PRPSAP1: variants seen among roughly 807,000 people sequenced by gnomAD.
PRPSAP1 encodes the protein phosphoribosyl pyrophosphate synthetase associated protein 1.
In PRPSAP1, 31 loss-of-function variants were observed where a neutral mutation model predicts 39.4. That is an observed-to-expected ratio of 0.79 (90% CI 0.59 to 1.06). PRPSAP1 has a LOEUF of 1.06. Among genes scored for constraint, PRPSAP1 ranks in the 50% least tolerant of loss-of-function variants. The pLI is 0.00. For synonymous variants in PRPSAP1, 212 were observed against 192.6 expected (o/e 1.10, Z -0.83); for missense variants, 430 against 511.6 (o/e 0.84, Z 1.54).
intron 7 of PRPSAP1, among the ~76,000 whole-genome samples, chr17:76,326,907 C>T (rs1225878832): frequency 6.6e-6 from 1 of 151,850 alleles, no homozygotes; most frequent in African/African-American, 2.4e-5. Context: ...GACATTACGT[C>T]TGCAACTCAC....
chr17:76,328,687 A>T, intron 7 of PRPSAP1, 30 bp downstream of exon 7: 3 of 1,595,868 alleles, frequency 1.9e-6, no homozygotes, highest in Non-Finnish European at 2.6e-6. Flanking sequence ...TCAATTTACA[A>T]ATAAAATAAA....
rs1453793265 is a variant in PRPSAP1 at position 76,317,022 on chromosome 17, A to G, written c.782-3131T>C. Among the ~76,000 whole-genome samples the G allele has an allele frequency of 7.2e-5, 11 of 152,366 alleles. No individual in the cohort carries two copies. The East Asian group carries it at 2.1e-3, about 29-fold the overall frequency. ...TCCTTACCCATTTTGACCTTTGTCTATTTCTAGTTCAATGAAATGTCAAAC... is the reference window on the plus strand; with the variant it reads ...TCCTTACCCATTTTGACCTTTGTCTGTTTCTAGTTCAATGAAATGTCAAAC... On this transcript the variant is annotated intron_variant, in intron 7 of 9. Transcript: ENST00000446526.
rs368840055 is a variant in PRPSAP1, at chr17:76,345,564, C to G, written c.224-827G>C. Among the ~76,000 whole-genome samples, 10 of 146,922 alleles carry G rather than the reference C, an allele frequency of 6.8e-5. No homozygotes were observed. In the East Asian group the frequency reaches 2.0e-3, roughly 30 times the overall value. On this transcript the variant is annotated intron_variant, in intron 2 of 9. Coordinates refer to ENST00000446526, the MANE Select transcript of PRPSAP1 (RefSeq NM_002766.3). ...GTCATGGCTGCAGTGTGAGCTGAAA[C>G]TGTGCCACTGCACTTCAGCCTGGAC... is the stretch of plus-strand genomic sequence containing the variant.
chr17:76,320,737 G>C (rs1438740827), intron 7 of PRPSAP1, among the ~76,000 whole-genome samples: 1 of 150,838 alleles, frequency 6.6e-6, no homozygotes, highest in Non-Finnish European at 1.5e-5. Context: ...ACAGATTGAA[G>C]TTTGTGGCAA....
At chr17:76,341,933 C>A (rs571762358) in intron 3 of PRPSAP1, among the ~76,000 whole-genome samples, 1 of 151,972 alleles carries the variant, frequency 6.6e-6, no homozygotes, top group Non-Finnish European at 1.5e-5. Flanking sequence ...AGTGAGACTC[C>A]GTCTAAAAAT....
rs375906385 is a variant in PRPSAP1, at chr17:76,328,836, C to T, written c.662G>A (p.Arg221His). The part of the protein sequence containing the change: ...KRAQSYAERL[R>H]LGLAVIHGEA... ...CCCGTGAATGACGGCCAAACCCAGA[C>T]GCAGTCTCTCCGCATAGGACTGGGC... The change falls in exon 7 of 10, where the codon CGT (arginine) becomes CAT (histidine). Residue 221 changes from arginine (R) to histidine (H), a missense_variant. Transcript: ENST00000446526. 8 of 1,614,032 alleles carry T rather than the reference C, an allele frequency of 5.0e-6. No homozygotes were observed. Among genetic ancestry groups the T allele is most frequent in the African/African-American group, 4.0e-5 (3 of 75,014 alleles).
intron 3 of PRPSAP1, among the ~76,000 whole-genome samples, chr17:76,341,394 C>T (rs148539427): frequency 7.9e-5 from 12 of 152,038 alleles, no homozygotes; most frequent in East Asian, 5.8e-4. Flanking sequence ...CACACCACCA[C>T]GCCTGGCTAA....
chr17:76,353,536 T>C lies in PRPSAP1; in HGVS notation c.168A>G (p.Thr56=), dbSNP rs754713021. 3 of 1,524,278 alleles carry C rather than the reference T, an allele frequency of 2.0e-6. No homozygotes were observed. The highest frequency in any genetic ancestry group is 2.6e-6 in the Non-Finnish European group (3 of 1,140,290). 94.4% of individuals were successfully genotyped at this position (1,524,278 alleles called of 1,614,324 possible). The stretch of plus-strand genomic sequence containing the variant: ...CGGCCCTCCCACCGCCCCCTTACTC[T>C]GTGATGCGCTTGGCCAGCTCCGTGC... ...AACTELAKRI[T]ERLGAELGKS... is the part of the protein sequence containing the mutation. Residue 56 remains threonine, a splice_region_variant and synonymous_variant, in exon 1 of 10, where the codon ACA becomes ACG. Transcript: ENST00000446526.
chr17:76,339,324 G>C (rs2071411195), intron 3 of PRPSAP1, among the ~76,000 whole-genome samples: 1 of 151,294 alleles, frequency 6.6e-6, no homozygotes, highest in Non-Finnish European at 1.5e-5. Flanking sequence ...AGAATTGCTT[G>C]AACCTGGGAG....
At position 76,311,729 on chromosome 17, in the gene PRPSAP1, CT is replaced by C. The variant is rs1567795623; in HGVS notation, c.1000-30del. 6.9e-6 allele frequency: 11 copies of C among 1,601,812 alleles called. No individual in the cohort carries two copies. In the Admixed American group the frequency reaches 1.7e-4, roughly 25 times the overall value. On this transcript the variant is annotated intron_variant, in intron 9 of 9. Coordinates refer to ENST00000446526, the MANE Select transcript of PRPSAP1 (RefSeq NM_002766.3). ...GTCACACAGTGATGGAAAACAAACG[CT>C]GTTACTGAAGTCTGTTCTCCAAGCT...
intron 8 of PRPSAP1, 88 bp downstream of exon 8, chr17:76,313,733 G>T: frequency 2.1e-6 from 3 of 1,413,004 alleles, no homozygotes; most frequent in Non-Finnish European, 3.0e-6. Context: ...TCGGATCATC[G>T]TTCCTAGAAA....
intron 7 of PRPSAP1, among the ~76,000 whole-genome samples, chr17:76,316,021 T>C (rs141748925): frequency 0.12 from 18,306 of 150,426 alleles, 2,537 homozygotes; most frequent in African/African-American, 0.35. Context: ...CTACTAAAAA[T>C]ATAAAAATTA....
intron 7 of PRPSAP1, among the ~76,000 whole-genome samples, chr17:76,320,316 G>A (rs2071177860): frequency 8.8e-6 from 1 of 113,564 alleles, no homozygotes; most frequent in Admixed American, 8.3e-5. Context: ...AGGAAGGGAG[G>A]AAGGGAAGAA....
intron 3 of PRPSAP1, among the ~76,000 whole-genome samples, chr17:76,336,130 A>C (rs180808764): frequency 5.9e-5 from 9 of 152,372 alleles, no homozygotes. Context: ...TCTTGATTTC[A>C]GGGTAACATT....
rs187378241 is a variant in PRPSAP1, at chr17:76,345,189, C to T, written c.224-452G>A. Among the ~76,000 whole-genome samples, 256 of 136,884 alleles carry T rather than the reference C, an allele frequency of 1.9e-3. 1 individual carries two copies. The highest frequency in any genetic ancestry group is 6.6e-3 in the African/African-American group (247 of 37,370). The allele number at this position is 136,884 out of a possible 152,430, so 89.8% of individuals were successfully genotyped here. On this transcript the variant is annotated intron_variant, in intron 2 of 9. Transcript: ENST00000446526. ...GGCAGAGCTTGCAGTGAGCCGAGATCGCGCCACTGCACTCCAGCCTGGGTG... is the reference window on the plus strand; with the variant it reads ...GGCAGAGCTTGCAGTGAGCCGAGATTGCGCCACTGCACTCCAGCCTGGGTG...
intron 1 of PRPSAP1, among the ~76,000 whole-genome samples, chr17:76,352,503 G>A (rs2071586321): frequency 1.3e-5 from 2 of 152,092 alleles, no homozygotes; most frequent in African/African-American, 4.8e-5. Context: ...AAATGAGCCG[G>A]GTGTGGTGGC....
intron 1 of PRPSAP1, 68 bp from the exon 2 acceptor site, chr17:76,348,649 G>A (rs535362012): frequency 1.7e-6 from 2 of 1,161,354 alleles, no homozygotes; most frequent in African/African-American, 1.6e-5. Context: ...CAGTTCATAT[G>A]CATATGTCTA....
rs147608626 is a variant in PRPSAP1 at position 76,312,880 on chromosome 17, G to T, written c.989C>A (p.Ser330Tyr). The change falls in exon 9 of 10, where the codon TCC becomes TAC. Residue 330 changes from serine to tyrosine, a missense_variant. Ser to Tyr is a moderately radical substitution (Grantham distance 144). Coordinates refer to ENST00000446526, the MANE Select transcript of PRPSAP1 (RefSeq NM_002766.3). ...TAGAAGCAGCCTGACCTCGTCTACG[G>T]AGGACTCCTCAATCAGGCGAGGGGC... ...AEAPRLIEES[S>Y]VDEVVVTNTV... 9.3e-5 allele frequency: 150 copies of T among 1,613,018 alleles called. No homozygotes were observed. In the African/African-American group the frequency reaches 1.9e-3, roughly 21 times the overall value.
chr17:76,350,066 CTT>C (rs1271263175), intron 1 of PRPSAP1, among the ~76,000 whole-genome samples: 1 of 147,878 alleles, frequency 6.8e-6, no homozygotes, highest in African/African-American at 2.5e-5. Flanking sequence ...GCCTGGGTGA[CTT>C]TATCTCAAAA....
Sources: gnomAD v4.1 joint callset for allele counts (sites outside exome capture counted in the v4.1 genomes callset) on GRCh38, gnomAD v4.1.1 for gene constraint, MANE v1.5 for transcripts, NCBI Gene and HGNC (gene_info 2026-07-23, HGNC 2026-07-21) for gene names.